Variants in TMEM52B observed in about 807,000 individuals in gnomAD.
TMEM52B encodes transmembrane protein 52B.
TMEM52B carries 11 observed loss-of-function variants against 16.1 expected under a neutral mutation model. The ratio of observed to expected loss-of-function variants is 0.68; its 90% CI spans 0.43 to 1.13. TMEM52B has a LOEUF of 1.13. Ranked by LOEUF, TMEM52B falls within the 50% of genes most tolerant of loss-of-function variation. TMEM52B has a pLI of 0.00. For synonymous variants in TMEM52B, 101 were observed against 93.8 expected (o/e 1.08, Z -0.45); for missense variants, 243 against 230.4 (o/e 1.05, Z -0.35).
In TMEM52B at chr12:10,186,521, G is replaced by T. The variant is rs146780218; in HGVS notation, c.239G>T (p.Gly80Val). 46 of 1,609,962 alleles carry T rather than the reference G, an allele frequency of 2.9e-5. No homozygotes were observed. The highest frequency in any genetic ancestry group is 3.7e-5 in the Non-Finnish European group (44 of 1,176,956). ...LSRQQNGEDG[G>V]PPPCEVTVIA... The stretch of plus-strand genomic sequence containing the variant: ...CGCCAGCAAAATGGGGAAGATGGGG[G>T]CCCACCACCCTGTGAAGTGACCGTC... The change falls in exon 4 of 5, where the codon GGC (glycine) becomes GTC (valine). Residue 80 changes from glycine (G) to valine (V), a missense_variant. Gly to Val is a moderately radical substitution (Grantham distance 109). Coordinates refer to ENST00000543484, the MANE Select transcript of TMEM52B (RefSeq NM_001384896.1).
rs1308562850 is a variant in TMEM52B, at chr12:10,179,068, G to C, written c.-507G>C. The C allele has an allele frequency of 6.4e-6, 1 of 157,250 alleles. No homozygotes were observed. The highest frequency in any genetic ancestry group is 1.4e-5 in the Non-Finnish European group (1 of 70,792). The allele number at this position is 157,250 out of a possible 1,614,324, so 9.7% of individuals were successfully genotyped here. ...GTGACTTTCACCCTGCAACAGTCAC[G>C]CTGGAGTACTCTGGTGAAGGATCAA... is the stretch of plus-strand genomic sequence containing the variant. On this transcript the variant is annotated 5_prime_UTR_variant, in exon 1 of 5. Coordinates refer to ENST00000543484, the MANE Select transcript of TMEM52B (RefSeq NM_001384896.1).
chr12:10,188,996 G>A (rs1461502410), intron 4 of TMEM52B, among the ~76,000 whole-genome samples: 2 of 119,270 alleles, frequency 1.7e-5, no homozygotes, highest in African/African-American at 3.2e-5. Context: ...CAGCCTGGGC[G>A]ACAGAGCGAG....
chr12:10,176,990 T>C (rs914494511), upstream of TMEM52B, among the ~76,000 whole-genome samples: 2 of 152,222 alleles, frequency 1.3e-5, no homozygotes, highest in Non-Finnish European at 2.9e-5. Context: ...GCACTCATGA[T>C]AGAAATATCC....
In TMEM52B at chr12:10,184,863, G is replaced by A. The variant is rs1173015668; in HGVS notation, c.99-467G>A. Among the ~76,000 whole-genome samples, 5 of 150,584 alleles carry A rather than the reference G, an allele frequency of 3.3e-5. No individual in the cohort carries two copies. In the East Asian group the frequency reaches 5.9e-4, roughly 18 times the overall value. On this transcript the variant is annotated intron_variant, in intron 2 of 4. Transcript: ENST00000543484. The stretch of plus-strand genomic sequence containing the variant: ...ATTTTTTTTTTCTTTTTGAGATGGC[G>A]TCACCACGGCCGGCTAATTTTTGTA...
In TMEM52B at chr12:10,171,651, G is replaced by A. The variant is rs780556110; in HGVS notation, c.-95+800G>A. Among the ~76,000 whole-genome samples the A allele has an allele frequency of 1.3e-4, 20 of 152,126 alleles. 1 individual carries two copies. Among genetic ancestry groups the A allele is most frequent in the Non-Finnish European group, 1.5e-5 (1 of 68,032 alleles). ...CCTAGCTCTACCACTTATTAGCTCCGTGAAACTGGATGATGTTGTTAGTCC... is the reference window on the plus strand; with the variant it reads ...CCTAGCTCTACCACTTATTAGCTCCATGAAACTGGATGATGTTGTTAGTCC... On this transcript the variant is annotated intron_variant, in intron 1 of 5. Transcript: ENST00000381923.
chr12:10,187,428 G>A lies in TMEM52B; in HGVS notation c.307+839G>A, dbSNP rs192651661. Among the ~76,000 whole-genome samples the A allele has an allele frequency of 2.0e-5, 3 of 151,126 alleles. No individual in the cohort carries two copies. The East Asian group carries it at 5.9e-4, about 30-fold the overall frequency. On this transcript the variant is annotated intron_variant, in intron 4 of 4. Transcript: ENST00000543484. ...ATGGTTACTTTCTTTTTTTGACACG[G>A]AGTCTCCCTCTGTTGCCCAGGCTGG... is the stretch of plus-strand genomic sequence containing the variant.
intron 2 of TMEM52B, among the ~76,000 whole-genome samples, chr12:10,184,240 C>G (rs771548135): frequency 1.3e-5 from 2 of 152,186 alleles, no homozygotes; most frequent in Non-Finnish European, 2.9e-5. Flanking sequence ...CTTTGCTCTA[C>G]GCATCTCTTC....
rs71049057 is a variant in TMEM52B, at chr12:10,187,099, G to GTTTTTTTTTTT, written c.307+521_307+531dup. Among the ~76,000 whole-genome samples the GTTTTTTTTTTT allele has an allele frequency of 5.1e-4, 42 of 82,148 alleles. 1 individual carries two copies. Among genetic ancestry groups the GTTTTTTTTTTT allele is most frequent in the African/African-American group, 6.4e-4 (13 of 20,246 alleles). The allele number at this position is 82,148 out of a possible 152,430, so 53.9% of individuals were successfully genotyped here. ...CTGTGGTTCTATTCTTTCCATGACG[G>GTTTTTTTTTTT]TTTTTTTTTTTTTTTTTTTTTGAGA... On this transcript the variant is annotated intron_variant, in intron 4 of 4. Transcript: ENST00000543484.
intron 1 of TMEM52B, among the ~76,000 whole-genome samples, chr12:10,180,999 G>T (rs1334097352): frequency 6.6e-6 from 1 of 152,090 alleles, no homozygotes; most frequent in East Asian, 1.9e-4. Flanking sequence ...TAGAGATGGG[G>T]TTTCACCATG....
intron 2 of TMEM52B, among the ~76,000 whole-genome samples, chr12:10,183,762 C>T (rs973715001): frequency 2.0e-5 from 3 of 152,026 alleles, no homozygotes; most frequent in African/African-American, 7.2e-5. Flanking sequence ...TTTTTTCCCT[C>T]TTCCTGTTTG....
At chr12:10,177,093 T>TG (rs1251340054), upstream of TMEM52B, among the ~76,000 whole-genome samples, 1 of 152,156 alleles carries the variant, frequency 6.6e-6, no homozygotes, top group Non-Finnish European at 1.5e-5. Flanking sequence ...GTTGTATGAA[T>TG]GGGAACGTTA....
upstream of TMEM52B, among the ~76,000 whole-genome samples, chr12:10,177,151 C>T (rs189420501): frequency 9.2e-5 from 14 of 152,250 alleles, no homozygotes; most frequent in East Asian, 2.7e-3. Flanking sequence ...CACCTAAAGC[C>T]CTGCTCTCCT....
chr12:10,187,528 C>G (rs1302692096), intron 4 of TMEM52B, among the ~76,000 whole-genome samples: 2 of 152,242 alleles, frequency 1.3e-5, no homozygotes, highest in East Asian at 3.9e-4. Context: ...CCTCAGCCTC[C>G]TGAGTAGCTG....
upstream of TMEM52B, among the ~76,000 whole-genome samples, chr12:10,177,949 G>A (rs531493031): frequency 4.7e-4 from 71 of 151,424 alleles, no homozygotes; most frequent in South Asian, 0.015. Context: ...AGGCTGGAGT[G>A]CAGTGGTGTG....
At position 10,190,504 on chromosome 12, in the gene TMEM52B, C is replaced by T. The variant is rs1948945952; in HGVS notation, c.*364C>T. ...TCTCTCTCTGTCAGCGAATCCACTG[C>T]GGTTAACTGGAAAAGAAAGACAACA... On this transcript the variant is annotated 3_prime_UTR_variant, in exon 5 of 5. Transcript: ENST00000543484. 3 of 232,602 alleles carry T rather than the reference C, an allele frequency of 1.3e-5. No individual in the cohort carries two copies. Among genetic ancestry groups the T allele is most frequent in the South Asian group, 1.2e-4 (2 of 16,286 alleles). The allele number at this position is 232,602 out of a possible 1,614,324, so 14.4% of individuals were successfully genotyped here. A position where few individuals can be genotyped will look rare whatever the true frequency, so the allele number is the denominator to read the frequency against.
chr12:10,173,763 T>TAAAAAAAAAA (rs5796383), intron 1 of TMEM52B, among the ~76,000 whole-genome samples: 1 of 130,330 alleles, frequency 7.7e-6, no homozygotes, highest in African/African-American at 2.9e-5. Context: ...AGACTCCCTT[T>TAAAAAAAAAA]AAAAAAAAAA....
chr12:10,187,479 A>G (rs1007909119), intron 4 of TMEM52B, among the ~76,000 whole-genome samples: 1 of 152,052 alleles, frequency 6.6e-6, no homozygotes, highest in Non-Finnish European at 1.5e-5. Flanking sequence ...ATCTCAGCTC[A>G]CTGCAACCTC....
At chr12:10,187,053 T>G (rs531921459) in intron 4 of TMEM52B, among the ~76,000 whole-genome samples, 1 of 151,206 alleles carries the variant, frequency 6.6e-6, no homozygotes, top group South Asian at 2.1e-4. Context: ...TCAATGATTA[T>G]AAGACACTTT....
intron 1 of TMEM52B, among the ~76,000 whole-genome samples, chr12:10,173,952 G>A (rs937700274): frequency 3.3e-5 from 5 of 152,042 alleles, no homozygotes; most frequent in African/African-American, 1.2e-4. Flanking sequence ...TTGTTGTGCA[G>A]CCATCACCAC....
Sources: allele counts gnomAD v4.1 joint callset (sites outside exome capture counted in the v4.1 genomes callset), GRCh38; gene constraint gnomAD v4.1.1; transcripts MANE v1.5; gene names NCBI Gene and HGNC (gene_info 2026-07-23, HGNC 2026-07-21).